Variants in XKR9 observed in about 807,000 individuals in gnomAD.
The protein encoded by XKR9 is XK-related protein 9.
XKR9 carries 32 observed loss-of-function variants against 32.0 expected under a neutral mutation model. The ratio of observed to expected loss-of-function variants is 1.00; its 90% confidence interval spans 0.76 to 1.34. The LOEUF is 1.34. Among genes scored for constraint, XKR9 ranks in the 40% most tolerant of loss-of-function variants. XKR9 has a pLI of 0.00. For missense variants in XKR9, 546 were observed against 429.7 expected (o/e 1.27, Z -2.39); for synonymous variants, 168 against 143.4 (o/e 1.17, Z -1.22).
At chr8:70,724,587 C>T (rs998334305) in intron 4 of XKR9, among the ~76,000 whole-genome samples, 5 of 152,108 alleles carry the variant, frequency 3.3e-5, no homozygotes, top group Non-Finnish European at 7.4e-5. Context: ...AGTATCTGGG[C>T]CTGATAGCAC....
At chr8:70,811,822 C>T in the XKR9 span, among the ~76,000 whole-genome samples, 1 of 151,904 alleles carries the variant, frequency 6.6e-6, no homozygotes, top group Non-Finnish European at 1.5e-5. Context: ...CAAAAAGAGT[C>T]CAGGACCAGA....
chr8:71,033,384 G>T, the XKR9 span, among the ~76,000 whole-genome samples: 1 of 152,194 alleles, frequency 6.6e-6, no homozygotes, highest in African/African-American at 2.4e-5. Context: ...GGAATTCATA[G>T]TAAGTACTCA....
chr8:70,832,186 A>G, the XKR9 span, among the ~76,000 whole-genome samples: 1 of 152,190 alleles, frequency 6.6e-6, no homozygotes, highest in Non-Finnish European at 1.5e-5. Context: ...ATTCTTATAG[A>G]GTATCACATT....
At chr8:71,005,287 A>G in the XKR9 span, among the ~76,000 whole-genome samples, 517 of 148,828 alleles carry the variant, frequency 3.5e-3, 3 homozygotes, top group Middle Eastern at 0.021. Flanking sequence ...CAGTGGTGCA[A>G]TCTCAGCTCA....
At chr8:70,805,589 A>C in the XKR9 span, among the ~76,000 whole-genome samples, 1 of 152,322 alleles carries the variant, frequency 6.6e-6, no homozygotes, top group African/African-American at 2.4e-5. Flanking sequence ...GAGACTGGAC[A>C]ACTTGGTCCC....
the XKR9 span, among the ~76,000 whole-genome samples, chr8:70,968,251 T>C: frequency 2.0e-5 from 3 of 152,228 alleles, no homozygotes; most frequent in African/African-American, 7.2e-5. Context: ...TGTGATTGCA[T>C]TGTGAACCTC....
chr8:71,052,917 C>T, the XKR9 span, among the ~76,000 whole-genome samples: 1 of 152,170 alleles, frequency 6.6e-6, no homozygotes, highest in Non-Finnish European at 1.5e-5. Flanking sequence ...AATCAGTAAC[C>T]CTGTCTCAGC....
chr8:70,952,804 G>A, the XKR9 span, among the ~76,000 whole-genome samples: 1 of 152,336 alleles, frequency 6.6e-6, no homozygotes. Context: ...ATAGAGCTGT[G>A]CTCAAGAGCT....
the XKR9 span, among the ~76,000 whole-genome samples, chr8:70,866,729 C>G: frequency 6.6e-6 from 1 of 151,942 alleles, no homozygotes; most frequent in Non-Finnish European, 1.5e-5. Flanking sequence ...CAAGTCATCA[C>G]CCCCCTTGGC....
the XKR9 span, among the ~76,000 whole-genome samples, chr8:70,839,674 T>C: frequency 1.5e-3 from 230 of 152,240 alleles, no homozygotes; most frequent in African/African-American, 5.3e-3. Flanking sequence ...AAGAGAATTT[T>C]ATGTTTGTCT....
At chr8:70,839,266 T>G in the XKR9 span, among the ~76,000 whole-genome samples, 1 of 152,128 alleles carries the variant, frequency 6.6e-6, no homozygotes, top group Non-Finnish European at 1.5e-5. Flanking sequence ...CAACTGTACC[T>G]ACAATATAAA....
intron 2 of XKR9, among the ~76,000 whole-genome samples, chr8:70,755,810 A>G (rs1341205827): frequency 6.6e-6 from 1 of 151,672 alleles, no homozygotes; most frequent in East Asian, 1.9e-4. Context: ...ACCTAATGCT[A>G]AATGACGAGT....
At chr8:70,983,297 C>T in the XKR9 span, among the ~76,000 whole-genome samples, 1 of 152,154 alleles carries the variant, frequency 6.6e-6, no homozygotes, top group African/African-American at 2.4e-5. Context: ...ATCTGGGGGA[C>T]CTTCTGGGAC....
At chr8:70,787,746 T>C (rs1807706755) in intron 2 of XKR9, among the ~76,000 whole-genome samples, 1 of 152,078 alleles carries the variant, frequency 6.6e-6, no homozygotes, top group African/African-American at 2.4e-5. Context: ...ACAGTTTGCT[T>C]TACAAAATGT....
At chr8:70,751,419 G>A (rs908961547) in intron 2 of XKR9, among the ~76,000 whole-genome samples, 11 of 152,114 alleles carry the variant, frequency 7.2e-5, no homozygotes, top group African/African-American at 9.7e-5. Flanking sequence ...GTGAGCCACC[G>A]TGCCCGGCCT....
the XKR9 span, among the ~76,000 whole-genome samples, chr8:70,994,548 C>T: frequency 6.6e-6 from 1 of 151,788 alleles, no homozygotes; most frequent in Non-Finnish European, 1.5e-5. Context: ...TTTCTCTTTG[C>T]ATTTTGTTGT....
At chr8:70,852,187 C>T in the XKR9 span, among the ~76,000 whole-genome samples, 1 of 152,178 alleles carries the variant, frequency 6.6e-6, no homozygotes, top group African/African-American at 2.4e-5. Context: ...AGAAAAAGCT[C>T]CTCATCAATG....
the XKR9 span, among the ~76,000 whole-genome samples, chr8:70,835,737 AG>A: frequency 6.6e-6 from 1 of 152,068 alleles, no homozygotes; most frequent in Non-Finnish European, 1.5e-5. Flanking sequence ...TCAAATATGT[AG>A]TAGACTACCT....
At chr8:70,790,084 A>G (rs909753298) in exon 4 of XKR9, 4 of 140,776 alleles carry the variant, frequency 2.8e-5, no homozygotes, top group Admixed American at 2.2e-4. Flanking sequence ...GTCACAGATT[A>G]TCTACTAAAG....
Sources: gnomAD v4.1 joint callset for allele counts (sites outside exome capture counted in the v4.1 genomes callset) on GRCh38, gnomAD v4.1.1 for gene constraint, MANE v1.5 for transcripts, NCBI Gene and HGNC (gene_info 2026-07-23, HGNC 2026-07-21) for gene names.